The following POTEF variants were observed in gnomAD, a reference collection of about 807,000 sequenced individuals.
POTEF encodes ANKRD26-like family C member 1B.
A neutral mutation model predicts 83.2 loss-of-function variants in POTEF; 20 were observed. That is an observed-to-expected ratio of 0.24 (90% confidence interval 0.17 to 0.35). The LOEUF (loss-of-function observed/expected upper bound fraction) is 0.35. Among genes scored for constraint, POTEF ranks in the 10% least tolerant of loss-of-function variants. The probability of loss-of-function intolerance (pLI) is 1.00; values close to 1 mark genes in which losing one functional copy is unlikely to be tolerated. For synonymous variants in POTEF, 196 were observed against 446.4 expected, an observed-to-expected ratio of 0.44 and a Z score of 7.07; for missense variants, 550 against 1,203.2, an observed-to-expected ratio of 0.46 and a Z score of 8.03.
At chr2:130,110,394 T>G in intron 7 of POTEF, 149 bp downstream of exon 7, 1 of 1,547,214 alleles carries the variant, frequency 6.5e-7, no homozygotes, top group Non-Finnish European at 8.7e-7. Context: ...TTGTCTGATT[T>G]CTGGCTGATG....
chr2:130,105,001 C>T (rs1296711863), intron 8 of POTEF, among the ~76,000 whole-genome samples: 1 of 150,704 alleles, frequency 6.6e-6, no homozygotes, highest in Non-Finnish European at 1.5e-5. Context: ...GCTCTTTGCT[C>T]TTCTGTATTC....
At chr2:130,128,373 C>G (rs1392470959) in intron 1 of POTEF, among the ~76,000 whole-genome samples, 1 of 152,002 alleles carries the variant, frequency 6.6e-6, no homozygotes, top group African/African-American at 2.4e-5. Context: ...AAGAGTCACC[C>G]GAAGGAGCAA....
chr2:130,110,397 G>A, intron 7 of POTEF, 146 bp downstream of exon 7: 1 of 1,553,538 alleles, frequency 6.4e-7, no homozygotes, highest in Admixed American at 1.9e-5. Flanking sequence ...TCTGATTTCT[G>A]GCTGATGCAG....
At position 130,074,050 on chromosome 2, in the gene POTEF, A is replaced by T; in HGVS notation, c.*194T>A. ...TCAAAGTCCTTGGCCACATTGTAGAACTTTGGAGGAAGCTTCCTCCAACCG... is the reference window on the plus strand; with the variant it reads ...TCAAAGTCCTTGGCCACATTGTAGATCTTTGGAGGAAGCTTCCTCCAACCG... On this transcript the variant is annotated 3_prime_UTR_variant, in exon 17 of 17. Coordinates refer to ENST00000409914, the MANE Select transcript of POTEF (RefSeq NM_001099771.2). 3.3e-6 allele frequency: 3 copies of T among 901,430 alleles called. No homozygotes were observed. The highest frequency in any genetic ancestry group is 5.0e-6 in the Non-Finnish European group (3 of 598,438). The allele number at this position is 901,430 out of a possible 1,614,324, so 55.8% of individuals were successfully genotyped here.
At chr2:130,109,020 A>C (rs1226477799) in intron 7 of POTEF, among the ~76,000 whole-genome samples, 2 of 151,368 alleles carry the variant, frequency 1.3e-5, no homozygotes, top group Non-Finnish European at 2.9e-5. Context: ...CATACATACT[A>C]ACAATATATT....
At chr2:130,117,176 A>G (rs1684866249) in intron 3 of POTEF, among the ~76,000 whole-genome samples, 1 of 151,936 alleles carries the variant, frequency 6.6e-6, no homozygotes, top group African/African-American at 2.4e-5. Context: ...ATTAATTCAT[A>G]CTTTTTACAT....
In POTEF at chr2:130,118,722, T is replaced by G. The variant is rs569838461; in HGVS notation, c.521+1273A>C. Among the ~76,000 whole-genome samples, 144 of 151,700 alleles carry G rather than the reference T, an allele frequency of 9.5e-4. 3 individuals carry two copies. The highest frequency in any genetic ancestry group is 3.4e-3 in the African/African-American group (141 of 41,188). ...AAAAAAGTATATATATAAATATATA[T>G]CTGCATATATAAATAGGCATTTGTA... On this transcript the variant is annotated intron_variant, in intron 3 of 16. Coordinates refer to ENST00000409914, the MANE Select transcript of POTEF (RefSeq NM_001099771.2).
rs201264211 is a variant in POTEF, at chr2:130,115,248, A to T, written c.602T>A (p.Val201Asp). 3.9e-4 allele frequency: 635 copies of T among 1,612,802 alleles called. 1 individual carries two copies. In the Middle Eastern group the frequency reaches 7.7e-3, roughly 19 times the overall value. ...LLLDRRCQLN[V>D]LDNKKRTALI... ...AGCTGTCCTCTTTTTGTTGTCAAGG[A>T]CATTAAGTTGACATCGTCTGTCCAG... Residue 201 changes from valine (V) to aspartate (D), a missense_variant, in exon 4 of 17, where the codon GTC (valine) becomes GAC (aspartate). By Grantham distance (152) the Val-to-Asp change is radical. Transcript: ENST00000409914.
intron 2 of POTEF, 50 bp from the exon 3 acceptor site, chr2:130,120,658 G>A (rs1266581337): frequency 1.4e-5 from 21 of 1,488,518 alleles, no homozygotes; most frequent in East Asian, 2.4e-5. Flanking sequence ...AACCCCAGCA[G>A]GGGATTCCAG....
intron 2 of POTEF, among the ~76,000 whole-genome samples, chr2:130,123,783 A>G (rs2104831931): frequency 6.8e-6 from 1 of 146,346 alleles, no homozygotes; most frequent in East Asian, 2.0e-4. Context: ...CATTATAAGC[A>G]TTTTTAAAAT....
intron 1 of POTEF, among the ~76,000 whole-genome samples, chr2:130,128,758 G>T (rs1225107187): frequency 8.2e-6 from 1 of 121,956 alleles, no homozygotes; most frequent in Non-Finnish European, 1.7e-5. Context: ...CAGCATTGTA[G>T]CTCCAAATAA....
chr2:130,115,668 C>T (rs1436951740), intron 3 of POTEF, among the ~76,000 whole-genome samples: 1 of 152,172 alleles, frequency 6.6e-6, no homozygotes, highest in Non-Finnish European at 1.5e-5. Context: ...AGCTTTCTCA[C>T]AGGAAACCAC....
chr2:130,123,685 C>G (rs1685041750), intron 2 of POTEF, among the ~76,000 whole-genome samples: 1 of 151,286 alleles, frequency 6.6e-6, no homozygotes, highest in Admixed American at 6.6e-5. Flanking sequence ...ATTAAAAATA[C>G]TTGAGATAGC....
At chr2:130,087,547 T>C in intron 13 of POTEF, among the ~76,000 whole-genome samples, 1 of 62,486 alleles carries the variant, frequency 1.6e-5, no homozygotes, top group Non-Finnish European at 2.8e-5. Context: ...TGAAGTTAAA[T>C]ATCAAATATT....
intron 16 of POTEF, 67 bp from the exon 17 acceptor site, chr2:130,075,639 T>C (rs1293445032): frequency 2.1e-5 from 33 of 1,536,744 alleles, no homozygotes; most frequent in Non-Finnish European, 2.6e-5. Context: ...TCTTCTGAAA[T>C]TCAAAAATAA....
chr2:130,126,649 G>C (rs1467739295), intron 2 of POTEF, among the ~76,000 whole-genome samples: 3 of 152,004 alleles, frequency 2.0e-5, no homozygotes, highest in African/African-American at 4.8e-5. Flanking sequence ...TGGAACACTA[G>C]GCATAAGTGG....
At chr2:130,107,363 C>A (rs1228032252) in intron 8 of POTEF, among the ~76,000 whole-genome samples, 1 of 150,968 alleles carries the variant, frequency 6.6e-6, no homozygotes, top group Admixed American at 6.6e-5. Context: ...TTGGGACAAG[C>A]ATATGTAACA....
chr2:130,115,144 G>A (rs1684810544), intron 4 of POTEF, 70 bp downstream of exon 4: 2 of 1,611,722 alleles, frequency 1.2e-6, no homozygotes, highest in East Asian at 4.5e-5. Context: ...ATTTAAAGGA[G>A]AAAACTCATT....
Position 130,073,977 on chromosome 2 carries a change from C to T in POTEF, c.*267G>A, listed in dbSNP as rs1285116583. 26 of 675,946 alleles carry T rather than the reference C, an allele frequency of 3.8e-5. No homozygotes were observed. The highest frequency in any genetic ancestry group is 9.0e-5 in the Admixed American group (3 of 33,376). The allele number at this position is 675,946 out of a possible 1,614,324, so 41.9% of individuals were successfully genotyped here. A position where few individuals can be genotyped will look rare whatever the true frequency, so the allele number is the denominator to read the frequency against. On this transcript the variant is annotated 3_prime_UTR_variant, in exon 17 of 17. Transcript: ENST00000409914. ...GGGCAAGGGGCTTCCTGAAACAATGCGTCTCACAATATTTGGAATGACTAT... is the reference window on the plus strand; with the variant it reads ...GGGCAAGGGGCTTCCTGAAACAATGTGTCTCACAATATTTGGAATGACTAT...
Sources: gnomAD v4.1 joint callset for allele counts (sites outside exome capture counted in the v4.1 genomes callset) on GRCh38, gnomAD v4.1.1 for gene constraint, MANE v1.5 for transcripts, NCBI Gene and HGNC (gene_info 2026-07-23, HGNC 2026-07-21) for gene names.